Variants in ATG4C observed in about 807,000 individuals in gnomAD.
ATG4C encodes autophagy related 4C cysteine peptidase.
ATG4C carries 56 observed loss-of-function variants against 57.6 expected under a neutral mutation model. That is an observed-to-expected ratio of 0.97 (90% CI 0.78 to 1.21). The LOEUF (loss-of-function observed/expected upper bound fraction) is 1.21. ATG4C is among the 50% of genes most tolerant of loss of function. ATG4C has a pLI of 0.00. For missense variants in ATG4C, 595 were observed against 529.8 expected, an observed-to-expected ratio of 1.12 and a Z score of -1.21; for synonymous variants, 157 against 174.1, an observed-to-expected ratio of 0.90 and a Z score of 0.78.
In ATG4C at chr1:62,864,518, A is replaced by T. The variant is rs557879506; in HGVS notation, c.*359A>T. On this transcript the variant is annotated 3_prime_UTR_variant, in exon 11 of 11. Transcript: ENST00000317868. The stretch of plus-strand genomic sequence containing the variant: ...CCTCCCCCAAAGACTGGGATCACCA[A>T]ATAGTTTCAAAATTCTCAGTTTGTA... 1.1e-5 allele frequency: 2 copies of T among 179,642 alleles called. No homozygotes were observed. Among genetic ancestry groups the T allele is most frequent in the Non-Finnish European group, 2.3e-5 (2 of 87,020 alleles). 11.1% of individuals were successfully genotyped at this position (179,642 alleles called of 1,614,324 possible).
At chr1:62,820,964 T>C (rs754601423) in intron 5 of ATG4C, among the ~76,000 whole-genome samples, 175 bp from the exon 6 acceptor site, 96 of 152,080 alleles carry the variant, frequency 6.3e-4, no homozygotes, top group Middle Eastern at 6.3e-3. Context: ...TATTCAACTT[T>C]GAAAATTTTA....
At chr1:62,786,123 A>G (rs138650225) in intron 1 of ATG4C, among the ~76,000 whole-genome samples, 5 of 152,356 alleles carry the variant, frequency 3.3e-5, no homozygotes, top group Admixed American at 1.3e-4. Flanking sequence ...GAAAAAACTG[A>G]AGCTTGAAGA....
At position 62,829,584 on chromosome 1, in the gene ATG4C, A is replaced by G. The variant is rs114741175; in HGVS notation, c.933+408A>G. ...GTTATCTCATAATATGTTTCCTGTG[A>G]CACCATGATGTCAATAAGAGATGAG... On this transcript the variant is annotated intron_variant, in intron 7 of 10. Coordinates refer to ENST00000317868, the MANE Select transcript of ATG4C (RefSeq NM_032852.4). Among the ~76,000 whole-genome samples the G allele has an allele frequency of 8.5e-3, 1,295 of 152,208 alleles. 20 individuals carry two copies. The highest frequency in any genetic ancestry group is 0.011 in the Non-Finnish European group (762 of 67,968).
intron 1 of ATG4C, among the ~76,000 whole-genome samples, chr1:62,797,684 G>T (rs955973024): frequency 6.6e-6 from 1 of 151,798 alleles, no homozygotes; most frequent in African/African-American, 2.4e-5. Flanking sequence ...ATTGGTAATT[G>T]GTATTGAACT....
intron 3 of ATG4C, among the ~76,000 whole-genome samples, chr1:62,806,221 A>G (rs1255913700): frequency 2.6e-5 from 4 of 152,210 alleles, no homozygotes; most frequent in Admixed American, 2.6e-4. Flanking sequence ...ATAGAATGGC[A>G]TGATGAAAGC....
At position 62,787,194 on chromosome 1, in the gene ATG4C, G is replaced by A. The variant is rs2100271687; in HGVS notation, c.-69+2921G>A. Among the ~76,000 whole-genome samples, 3 of 152,216 alleles carry A rather than the reference G, an allele frequency of 2.0e-5. No individual in the cohort carries two copies. The South Asian group carries it at 6.2e-4, about 32-fold the overall frequency. ...ATTTCTTAGTTATTTTTACCCTTTT[G>A]TGTCATTGTTGTAGTTTTGTATATT... On this transcript the variant is annotated intron_variant, in intron 1 of 10. Transcript: ENST00000317868.
At chr1:62,832,240 A>G (rs1284449673) in intron 7 of ATG4C, among the ~76,000 whole-genome samples, 1 of 152,068 alleles carries the variant, frequency 6.6e-6, no homozygotes, top group African/African-American at 2.4e-5. Flanking sequence ...CATTTCAGAA[A>G]AAACTTCATG....
rs74261206 is a variant in ATG4C at position 62,805,152 on chromosome 1, CTTTT to C, written c.77-9_77-6del. The C allele has an allele frequency of 6.6e-5, 90 of 1,367,840 alleles. No homozygotes were observed. In the South Asian group the frequency reaches 7.4e-4, roughly 11 times the overall value. 84.7% of individuals were successfully genotyped at this position (1,367,840 alleles called of 1,614,324 possible). On this transcript the variant is annotated splice_polypyrimidine_tract_variant and intron_variant, in intron 2 of 10. Transcript: ENST00000317868. ...TTTTAATTACAAAACGTTTTCTTTT[CTTTT>C]TTTTTTTTTTGCTAGGTTGGGTGTT...
intron 7 of ATG4C, among the ~76,000 whole-genome samples, chr1:62,830,857 T>C (rs1665817808): frequency 6.6e-6 from 1 of 152,172 alleles, no homozygotes; most frequent in Non-Finnish European, 1.5e-5. Flanking sequence ...ACTCAATACA[T>C]ATTTGTTAAC....
chr1:62,787,096 G>A (rs1378752076), intron 1 of ATG4C, among the ~76,000 whole-genome samples: 2 of 152,174 alleles, frequency 1.3e-5, no homozygotes, highest in Non-Finnish European at 2.9e-5. Flanking sequence ...AGAGAACATC[G>A]AAAGAGGACC....
chr1:62,784,463 C>T (rs1664015564), intron 1 of ATG4C, among the ~76,000 whole-genome samples, 190 bp downstream of exon 1: 1 of 152,158 alleles, frequency 6.6e-6, no homozygotes, highest in Non-Finnish European at 1.5e-5. Flanking sequence ...CTAACTCTTC[C>T]TCGCTTTGTC....
At chr1:62,807,579 C>T (rs1218326852) in intron 3 of ATG4C, among the ~76,000 whole-genome samples, 2 of 152,110 alleles carry the variant, frequency 1.3e-5, no homozygotes, top group East Asian at 1.9e-4. Context: ...CCCTGAAATA[C>T]GGGATATGTA....
At chr1:62,827,766 G>A (rs1665710323) in intron 6 of ATG4C, among the ~76,000 whole-genome samples, 1 of 151,556 alleles carries the variant, frequency 6.6e-6, no homozygotes, top group African/African-American at 2.4e-5. Context: ...CAGGTATTAA[G>A]CCTGGTACCC....
At chr1:62,815,007 G>C (rs566772455) in intron 3 of ATG4C, among the ~76,000 whole-genome samples, 4 of 152,178 alleles carry the variant, frequency 2.6e-5, no homozygotes, top group Non-Finnish European at 5.9e-5. Flanking sequence ...AGAGATTGCA[G>C]TAAGTCAAGA....
intron 10 of ATG4C, among the ~76,000 whole-genome samples, chr1:62,848,557 A>G (rs892338926): frequency 3.3e-5 from 5 of 152,234 alleles, no homozygotes; most frequent in African/African-American, 7.2e-5. Context: ...TAGCAAATTT[A>G]TAGAAAAGTT....
chr1:62,802,465 TAA>T (rs35221183), intron 1 of ATG4C, among the ~76,000 whole-genome samples: 27 of 139,646 alleles, frequency 1.9e-4, no homozygotes, highest in Admixed American at 2.1e-4. Flanking sequence ...ATGCAAATAT[TAA>T]AAAAAAAAAA....
At position 62,802,243 on chromosome 1, in the gene ATG4C, A is replaced by G. The variant is rs116706317; in HGVS notation, c.-68-1476A>G. 8.4e-3 allele frequency among the ~76,000 whole-genome samples: 1,272 copies of G among 151,974 alleles called. 36 individuals carry two copies. The highest frequency in any genetic ancestry group is 0.029 in the African/African-American group (1,189 of 41,482). On this transcript the variant is annotated intron_variant, in intron 1 of 10. Coordinates refer to ENST00000317868, the MANE Select transcript of ATG4C (RefSeq NM_032852.4). ...TTTCTACATGTTTCCTCAGATGTCC[A>G]TTTCTCCATCTTCACTGCTCCAGTC...
intron 5 of ATG4C, among the ~76,000 whole-genome samples, chr1:62,820,835 T>A (rs1391205124): frequency 6.6e-6 from 1 of 151,970 alleles, no homozygotes; most frequent in Non-Finnish European, 1.5e-5. Flanking sequence ...ACTGGTAAGG[T>A]GAGTGGTTGA....
At chr1:62,846,600 A>G (rs1188766923) in intron 10 of ATG4C, among the ~76,000 whole-genome samples, 2 of 152,190 alleles carry the variant, frequency 1.3e-5, no homozygotes, top group Non-Finnish European at 2.9e-5. Context: ...TGTTTTGCTC[A>G]CAGTTTTCCT....
Sources: gnomAD v4.1 joint callset for allele counts (sites outside exome capture counted in the v4.1 genomes callset) on GRCh38, gnomAD v4.1.1 for gene constraint, MANE v1.5 for transcripts, NCBI Gene and HGNC (gene_info 2026-07-23, HGNC 2026-07-21) for gene names.